The following HERC2 variants were observed in gnomAD, a reference collection of about 807,000 sequenced individuals.
The protein encoded by HERC2 is E3 ubiquitin-protein ligase HERC2.
Under a neutral mutation model 537.7 loss-of-function variants are expected in HERC2, and 102 were observed. That is an observed-to-expected ratio of 0.19 (90% CI 0.16 to 0.22). HERC2 has a LOEUF of 0.22. Ranked by LOEUF, HERC2 falls within the 10% of genes least tolerant of loss-of-function variation. The pLI, the probability that HERC2 is intolerant of heterozygous loss-of-function variation, is 1.00. For missense variants in HERC2, 4,236 were observed against 6,198.2 expected (o/e 0.68, Z 10.63); for synonymous variants, 2,224 against 2,466.2 (o/e 0.90, Z 2.91).
intron 69 of HERC2, among the ~76,000 whole-genome samples, chr15:28,161,484 A>C (rs1312377610): frequency 6.6e-6 from 1 of 152,236 alleles, no homozygotes; most frequent in African/African-American, 2.4e-5. Context: ...CTGATAAAGA[A>C]GAGTTCTTAA....
chr15:28,307,375 T>C (rs2076818025), intron 2 of HERC2, among the ~76,000 whole-genome samples: 1 of 152,242 alleles, frequency 6.6e-6, no homozygotes, highest in South Asian at 2.1e-4. Context: ...ATTTTATTTC[T>C]GCTCTAATTT....
At chr15:28,112,490 G>A (rs570106649) in intron 92 of HERC2, among the ~76,000 whole-genome samples, 1 of 152,176 alleles carries the variant, frequency 6.6e-6, no homozygotes, top group East Asian at 1.9e-4. Context: ...CCTGAAAGAC[G>A]GCCACTTTTC....
intron 44 of HERC2, among the ~76,000 whole-genome samples, chr15:28,207,683 A>C (rs912939647): frequency 6.6e-6 from 1 of 151,994 alleles, no homozygotes; most frequent in African/African-American, 2.4e-5. Context: ...CCCACTTCAC[A>C]CATCTAGGTA....
intron 78 of HERC2, among the ~76,000 whole-genome samples, chr15:28,139,510 C>T (rs780156634): frequency 6.6e-6 from 1 of 152,214 alleles, no homozygotes; most frequent in Non-Finnish European, 1.5e-5. Flanking sequence ...CTGCAGCCTG[C>T]TGAGATTCTG....
rs1179898453 is a variant in HERC2 at position 28,186,677 on chromosome 15, G to C, written c.8725C>G (p.Leu2909Val). The C allele has an allele frequency of 6.2e-7, 1 of 1,613,926 alleles. No homozygotes were observed. Among genetic ancestry groups the C allele is most frequent in the Non-Finnish European group, 8.5e-7 (1 of 1,179,940 alleles). The change falls in exon 56 of 93, where the codon CTG becomes GTG. Residue 2909 changes from leucine (L) to valine (V), a missense_variant. This residue lies in a region of HERC2 where 606 missense variants were observed against 884.5 expected (regional missense o/e 0.69). Coordinates refer to ENST00000261609, the MANE Select transcript of HERC2 (RefSeq NM_004667.6). ...TCTTCTGCACGGATCCGTCCCAGCA[G>C]GATGAGACCATGGATTTTACAATCG... Reference protein sequence around the residue: ...GIDCKIHGLILLGRIRAEEED... With the variant: ...GIDCKIHGLIVLGRIRAEEED...
intron 89 of HERC2, 142 bp downstream of exon 89, chr15:28,115,287 C>A (rs778532300): frequency 5.6e-5 from 24 of 425,230 alleles, no homozygotes; most frequent in Admixed American, 1.2e-4. Flanking sequence ...TTTTGCTACT[C>A]AAAGGTGGTC....
At chr15:28,120,009 C>T (rs1360043240) in intron 86 of HERC2, among the ~76,000 whole-genome samples, 3 of 152,096 alleles carry the variant, frequency 2.0e-5, no homozygotes, top group Non-Finnish European at 4.4e-5. Flanking sequence ...AAAAAGTCTG[C>T]GTGCGGTTTT....
At chr15:28,199,281 C>T (rs1179658259) in intron 48 of HERC2, among the ~76,000 whole-genome samples, 2 of 152,166 alleles carry the variant, frequency 1.3e-5, no homozygotes, top group East Asian at 3.8e-4. Context: ...GAGCCTGGAT[C>T]AACTTGTGTC....
At chr15:28,129,923 G>A (rs1449771710) in intron 83 of HERC2, among the ~76,000 whole-genome samples, 6 of 151,940 alleles carry the variant, frequency 3.9e-5, no homozygotes, top group South Asian at 2.1e-4. Flanking sequence ...ATGCAGGCGC[G>A]CGCCACCATG....
chr15:28,282,350 C>T (rs1567113909), intron 4 of HERC2, among the ~76,000 whole-genome samples: 1 of 152,004 alleles, frequency 6.6e-6, no homozygotes, highest in East Asian at 1.9e-4. Context: ...TATAGAAATA[C>T]CACGATGAAA....
In HERC2 at chr15:28,268,393, G is replaced by A. The variant is rs2075628229; in HGVS notation, c.1598+72C>T. ...TTGGAAAACACCTGGACACACTTCTGCGCTCCATCCTGTTTAGGATATGGC... is the reference window on the plus strand; with the variant it reads ...TTGGAAAACACCTGGACACACTTCTACGCTCCATCCTGTTTAGGATATGGC... On this transcript the variant is annotated intron_variant, in intron 12 of 92. Coordinates refer to ENST00000261609, the MANE Select transcript of HERC2 (RefSeq NM_004667.6). The surrounding 1 kb of genome is among the most constrained non-coding windows in gnomAD (Gnocchi z 4.7). The A allele has an allele frequency of 7.0e-7, 1 of 1,434,330 alleles. No individual in the cohort carries two copies. The highest frequency in any genetic ancestry group is 2.3e-5 in the East Asian group (1 of 43,664). The allele number at this position is 1,434,330 out of a possible 1,614,324, so 88.9% of individuals were successfully genotyped here.
rs539114994 is a variant in HERC2 at position 28,242,298 on chromosome 15, C to T, written c.3578-3526G>A. ...GGTACACTTAAATGGCAAATTTTAC[C>T]AATCTTATACACACCCTTCCAAGAA... On this transcript the variant is annotated intron_variant, in intron 23 of 92. Coordinates refer to ENST00000261609, the MANE Select transcript of HERC2 (RefSeq NM_004667.6). Among the ~76,000 whole-genome samples the T allele has an allele frequency of 7.8e-4, 118 of 152,130 alleles. 1 individual carries two copies. Among genetic ancestry groups the T allele is most frequent in the Non-Finnish European group, 1.5e-3 (99 of 68,026 alleles).
In HERC2 at chr15:28,111,106, T is replaced by C. The variant is rs1429829989; in HGVS notation, c.*657A>G. 3 of 152,260 alleles carry C rather than the reference T, an allele frequency of 2.0e-5. No individual in the cohort carries two copies. Among genetic ancestry groups the C allele is most frequent in the Non-Finnish European group, 4.4e-5 (3 of 68,088 alleles). The allele number at this position is 152,260 out of a possible 1,614,324, so 9.4% of individuals were successfully genotyped here. A position where few individuals can be genotyped will look rare whatever the true frequency, so the allele number is the denominator to read the frequency against. On this transcript the variant is annotated 3_prime_UTR_variant, in exon 93 of 93. Transcript: ENST00000261609. ...GCATATACATGACACAAACATTATA[T>C]ATAGTACACTTTCCATGATAGAAGT...
intron 3 of HERC2, among the ~76,000 whole-genome samples, chr15:28,297,690 A>G (rs3881391): frequency 6.6e-6 from 1 of 152,212 alleles, no homozygotes; most frequent in African/African-American, 2.4e-5. Context: ...CATCAGGCCA[A>G]CTATTGCCTC....
At position 28,142,443 on chromosome 15, in the gene HERC2, A is replaced by G. The variant is rs566349764; in HGVS notation, c.11545-50T>C. 4 of 1,580,192 alleles carry G rather than the reference A, an allele frequency of 2.5e-6. No individual in the cohort carries two copies. In the African/African-American group the frequency reaches 5.4e-5, roughly 21 times the overall value. On this transcript the variant is annotated intron_variant, in intron 75 of 92. Coordinates refer to ENST00000261609, the MANE Select transcript of HERC2 (RefSeq NM_004667.6). Reference sequence around the variant, plus strand: ...TCAGGGAAACTCAGAAATGCAGTGAACAGGCCAAGGTTTCTGTGGCTCCTT... The same window carrying G: ...TCAGGGAAACTCAGAAATGCAGTGAGCAGGCCAAGGTTTCTGTGGCTCCTT...
At chr15:28,317,055 G>C (rs2077107246) in intron 2 of HERC2, among the ~76,000 whole-genome samples, 1 of 151,890 alleles carries the variant, frequency 6.6e-6, no homozygotes, top group Non-Finnish European at 1.5e-5. Flanking sequence ...ACCACACCCA[G>C]CCATGTAGCC....
intron 85 of HERC2, among the ~76,000 whole-genome samples, 177 bp from the exon 86 acceptor site, chr15:28,121,606 C>T (rs544953843): frequency 4.9e-4 from 74 of 152,310 alleles, no homozygotes; most frequent in Middle Eastern, 6.8e-3. Context: ...CCCCGAAGCA[C>T]ACAGGGACAG....
chr15:28,298,117 G>A (rs2076519587), intron 3 of HERC2, among the ~76,000 whole-genome samples: 1 of 150,618 alleles, frequency 6.6e-6, no homozygotes, highest in Non-Finnish European at 1.5e-5. Context: ...ACTGAAAAGG[G>A]AGACTAATAC....
chr15:28,291,198 C>T (rs555042046), intron 4 of HERC2, among the ~76,000 whole-genome samples: 22 of 152,252 alleles, frequency 1.4e-4, no homozygotes, highest in African/African-American at 5.3e-4. Context: ...CCTATAATAA[C>T]CTACGAGGTA....
Sources: gnomAD v4.1 joint callset for allele counts (sites outside exome capture counted in the v4.1 genomes callset) on GRCh38, gnomAD v4.1.1 for gene constraint, gnomAD v4.1.1 regional missense constraint, Gnocchi (gnomAD v3.1) non-coding constraint, MANE v1.5 for transcripts, NCBI Gene and HGNC (gene_info 2026-07-23, HGNC 2026-07-21) for gene names.